The following MUC12 variants were observed in gnomAD, a reference collection of about 807,000 sequenced individuals.
MUC12 encodes the protein mucin-12.
Under a neutral mutation model 230.8 loss-of-function variants are expected in MUC12, and 172 were observed. That is an observed-to-expected ratio of 0.75 (90% CI 0.66 to 0.85). The LOEUF (loss-of-function observed/expected upper bound fraction) is 0.85, where lower values mean the gene tolerates loss of function less well. Among genes scored for constraint, MUC12 ranks in the 40% least tolerant of loss-of-function variants. The probability of loss-of-function intolerance (pLI) is 0.00; values close to 1 mark genes in which losing one functional copy is unlikely to be tolerated. For missense variants in MUC12, 3,506 were observed against 5,920.6 expected, an observed-to-expected ratio of 0.59 and a Z score of 13.38; for synonymous variants, 1,259 against 2,401.9, an observed-to-expected ratio of 0.52 and a Z score of 13.91.
chr7:100,971,188 A>AAC (rs1554464579), intron 1 of MUC12, among the ~76,000 whole-genome samples: 2 of 19,596 alleles, frequency 1.0e-4, no homozygotes, highest in African/African-American at 6.4e-4. Context: ...AAACAAAAAA[A>AAC]AAACAAACCG....
intron 1 of MUC12, 25 bp from the exon 2 acceptor site, chr7:100,990,606 T>G (rs1388728007): frequency 2.0e-6 from 3 of 1,537,122 alleles, no homozygotes; most frequent in South Asian, 2.4e-5. Flanking sequence ...TCATAGCACT[T>G]TCTCTGGTTT....
rs143066720 is a variant in MUC12 at position 101,014,085 on chromosome 7, G to C, written c.15800+11G>C. 6.5e-5 allele frequency: 99 copies of C among 1,526,362 alleles called. 1 individual carries two copies. The highest frequency in any genetic ancestry group is 6.4e-4 in the African/African-American group (47 of 73,006). The allele number at this position is 1,526,362 out of a possible 1,614,324, so 94.6% of individuals were successfully genotyped here. The stretch of plus-strand genomic sequence containing the variant: ...GAGAAAACGGCACAGGTGAGCTTGT[G>C]AGGCCAGCACCGCAGGCCCACACAG... On this transcript the variant is annotated intron_variant, in intron 9 of 11. Transcript: ENST00000536621.
At chr7:100,988,999 A>G (rs970518842) in intron 1 of MUC12, among the ~76,000 whole-genome samples, 25 of 151,980 alleles carry the variant, frequency 1.6e-4, no homozygotes, top group African/African-American at 5.5e-4. Flanking sequence ...ACCTTCCACC[A>G]TGATTGTGAG....
In MUC12 at chr7:101,004,738, A is replaced by T; in HGVS notation, c.14175A>T (p.Leu4725Phe). Residue 4725 changes from leucine (L) to phenylalanine (F), a missense_variant, in exon 2 of 12, where the codon TTA becomes TTT. By Grantham distance (22) the Leu-to-Phe change is conservative (BLOSUM62 0). Coordinates refer to ENST00000536621, the MANE Select transcript of MUC12 (RefSeq NM_001164462.2). ...CTCCAGGCTCAATGGAAACAACATT[A>T]GCCAGCACTGCCACAACACCAGGCC... is the stretch of plus-strand genomic sequence containing the variant. Reference protein sequence around the residue: ...YISPGSMETTLASTATTPGLS... With the variant: ...YISPGSMETTFASTATTPGLS... The T allele has an allele frequency of 6.5e-7, 1 of 1,536,958 alleles. No individual in the cohort carries two copies. Among genetic ancestry groups the T allele is most frequent in the East Asian group, 2.4e-5 (1 of 40,902 alleles).
intron 1 of MUC12, among the ~76,000 whole-genome samples, chr7:100,971,181 C>CAAA (rs112472454): frequency 0.39 from 40,145 of 103,530 alleles, 6,348 homozygotes; most frequent in East Asian, 0.58. Flanking sequence ...AAGAAACAAA[C>CAAA]AAAAAAAAAA....
chr7:100,982,794 A>C (rs1235307245), intron 1 of MUC12, among the ~76,000 whole-genome samples: 1 of 151,796 alleles, frequency 6.6e-6, no homozygotes, highest in Non-Finnish European at 1.5e-5. Context: ...CAGTGGTGCA[A>C]TCATAGCTCA....
At chr7:101,015,763 G>C in intron 10 of MUC12, 72 bp downstream of exon 10, 1 of 1,375,908 alleles carries the variant, frequency 7.3e-7, no homozygotes, top group South Asian at 1.3e-5. Flanking sequence ...GCCTGTGCCT[G>C]TGGGGGTGAC....
At chr7:100,979,795 A>C (rs1303876066) in intron 1 of MUC12, among the ~76,000 whole-genome samples, 3 of 116,544 alleles carry the variant, frequency 2.6e-5, no homozygotes, top group Non-Finnish European at 5.8e-5. Context: ...AAAATAAAGT[A>C]AAATAACATG....
chr7:100,970,334 A>G (rs1792846188), intron 1 of MUC12, among the ~76,000 whole-genome samples: 1 of 152,042 alleles, frequency 6.6e-6, no homozygotes, highest in South Asian at 2.1e-4. Flanking sequence ...TAAAAATACA[A>G]AAATTAACCA....
Position 100,995,675 on chromosome 7 carries a change from T to G in MUC12, c.5112T>G (p.Thr1704=). The G allele has an allele frequency of 6.5e-7, 1 of 1,537,120 alleles. No individual in the cohort carries two copies. The highest frequency in any genetic ancestry group is 8.7e-7 in the Non-Finnish European group (1 of 1,147,032). Residue 1704 remains threonine, a synonymous_variant, in exon 2 of 12, where the codon ACT becomes ACG. Coordinates refer to ENST00000536621, the MANE Select transcript of MUC12 (RefSeq NM_001164462.2). The part of the protein sequence containing the change: ...SSKDTMPAPP[T]TTSAFVELST... ...AGGACACTATGCCTGCACCTCCTAC[T>G]ACCACATCAGCCTTTGTTGAGCTAT...
chr7:101,016,012 G>T (rs1364739496), intron 10 of MUC12, among the ~76,000 whole-genome samples: 1 of 152,176 alleles, frequency 6.6e-6, no homozygotes, highest in Non-Finnish European at 1.5e-5. Flanking sequence ...CCCAGCCTGG[G>T]TGGGGATAGG....
At chr7:101,012,242 A>C in intron 5 of MUC12, 54 bp from the exon 6 acceptor site, 1 of 1,527,324 alleles carries the variant, frequency 6.5e-7, no homozygotes, top group Non-Finnish European at 8.8e-7. Flanking sequence ...CTTGGGCTCC[A>C]CTTGCTGGCT....
chr7:101,011,699 G>A (rs1793841686), intron 5 of MUC12, among the ~76,000 whole-genome samples: 1 of 152,220 alleles, frequency 6.6e-6, no homozygotes, highest in Non-Finnish European at 1.5e-5. Context: ...TGGGATGACA[G>A]GCATGAGCCA....
Position 101,018,863 on chromosome 7 carries a change from G to T in MUC12, c.*227G>T, listed in dbSNP as rs562262713. On this transcript the variant is annotated 3_prime_UTR_variant, in exon 12 of 12. Transcript: ENST00000536621. The stretch of plus-strand genomic sequence containing the variant: ...GAGCTTCCAGACTCCCAGAAGCCTC[G>T]GCACCCCTGTCTCCTCCTGGGTGGC... 1.7e-5 allele frequency: 8 copies of T among 477,140 alleles called. No homozygotes were observed. The highest frequency in any genetic ancestry group is 4.8e-4 in the Middle Eastern group (1 of 2,084). The allele number at this position is 477,140 out of a possible 1,614,324, so 29.6% of individuals were successfully genotyped here. A position where few individuals can be genotyped will look rare whatever the true frequency, so the allele number is the denominator to read the frequency against.
At position 101,005,133 on chromosome 7, in the gene MUC12, C is replaced by G; in HGVS notation, c.14570C>G (p.Pro4857Arg). The G allele has an allele frequency of 4.6e-6, 7 of 1,537,988 alleles. No homozygotes were observed. The highest frequency in any genetic ancestry group is 6.1e-6 in the Non-Finnish European group (7 of 1,147,080). The change falls in exon 2 of 12, where the codon CCA (proline) becomes CGA (arginine). Residue 4857 changes from proline (P) to arginine (R), a missense_variant. Physicochemically the swap from Pro to Arg is moderately radical, Grantham distance 103. Transcript: ENST00000536621. Reference sequence around the variant, plus strand: ...GAATCTACCACCTTCTACAGCAGCCCAGGCTCAACTGAAACCACAGCGTTT... The same window carrying G: ...GAATCTACCACCTTCTACAGCAGCCGAGGCTCAACTGAAACCACAGCGTTT... ...SEESTTFYSS[P>R]GSTETTAFSH...
At chr7:100,971,069 T>A (rs1411740567) in intron 1 of MUC12, among the ~76,000 whole-genome samples, 1 of 151,228 alleles carries the variant, frequency 6.6e-6, no homozygotes, top group Non-Finnish European at 1.5e-5. Context: ...GGCAGGAGAA[T>A]CACTTGAACC....
chr7:100,969,615 C>T lies in MUC12; in HGVS notation c.-8C>T, dbSNP rs2116243258. ...AAGATGGGCAGCCAGGGGCCCGTTC[C>T]CCGGGAGATGCTGGTGATCTGGATT... On this transcript the variant is annotated 5_prime_UTR_variant, in exon 1 of 12. Coordinates refer to ENST00000536621, the MANE Select transcript of MUC12 (RefSeq NM_001164462.2). 6.5e-7 allele frequency: 1 copy of T among 1,537,448 alleles called. No homozygotes were observed. Among genetic ancestry groups the T allele is most frequent in the East Asian group, 2.4e-5 (1 of 40,930 alleles).
chr7:101,012,807 C>T lies in MUC12; in HGVS notation c.15404-12C>T. On this transcript the variant is annotated splice_polypyrimidine_tract_variant and intron_variant, in intron 6 of 11. Transcript: ENST00000536621. The stretch of plus-strand genomic sequence containing the variant: ...TTTCTATTCCATCTTCCTTCCCATC[C>T]ACTCTCGGCAGAGGCCATACTGTGC... 1 of 1,537,090 alleles carries T rather than the reference C, an allele frequency of 6.5e-7. No homozygotes were observed. Among genetic ancestry groups the T allele is most frequent in the South Asian group, 1.2e-5 (1 of 84,044 alleles).
Position 100,991,447 on chromosome 7 carries a change from C to T in MUC12, c.884C>T (p.Thr295Ile), listed in dbSNP as rs1411187509. The change falls in exon 2 of 12, where the codon ACA becomes ATA. Residue 295 changes from threonine (T) to isoleucine (I), a missense_variant. Physicochemically the swap from Thr to Ile is moderately conservative, Grantham distance 89. Transcript: ENST00000536621. The stretch of plus-strand genomic sequence containing the variant: ...ACTTCGCCTGCACCTTCTGGTACCA[C>T]ATCAGCCTTTGTTAAACTATCTACA... ...KDTSPAPSGT[T>I]SAFVKLSTTY... 11 of 1,537,716 alleles carry T rather than the reference C, an allele frequency of 7.2e-6. No individual in the cohort carries two copies. Among genetic ancestry groups the T allele is most frequent in the Non-Finnish European group, 9.6e-6 (11 of 1,147,052 alleles).
Sources: gnomAD v4.1 joint callset for allele counts (sites outside exome capture counted in the v4.1 genomes callset) on GRCh38, gnomAD v4.1.1 for gene constraint, MANE v1.5 for transcripts, NCBI Gene and HGNC (gene_info 2026-07-23, HGNC 2026-07-21) for gene names.